GPC3: variants seen among roughly 807,000 people sequenced by gnomAD.
GPC3 encodes the protein glypican-3.
A neutral mutation model predicts 34.4 loss-of-function variants in GPC3; 3 were observed. The ratio of observed to expected loss-of-function variants is 0.09; its 90% confidence interval spans 0.04 to 0.23. The LOEUF (loss-of-function observed/expected upper bound fraction) is 0.23, where lower values mean the gene tolerates loss of function less well. Among genes scored for constraint, GPC3 ranks in the 10% least tolerant of loss-of-function variants. The pLI, the probability that GPC3 is intolerant of heterozygous loss-of-function variation, is 1.00. For synonymous variants in GPC3, 177 were observed against 174.0 expected, an observed-to-expected ratio of 1.02 and a Z score of -0.13; for missense variants, 351 against 445.6, an observed-to-expected ratio of 0.79 and a Z score of 1.91.
intron 2 of GPC3, among the ~76,000 whole-genome samples, chrX:133,791,840 CCTTCCTT>C (rs869230195): frequency 2.4e-4 from 22 of 92,625 alleles, no homozygotes; most frequent in African/African-American, 9.0e-4. Flanking sequence ...TTCCTTCCTT[CCTTCCTT>C]CCTCCCTCCC....
In GPC3 at chrX:133,916,027, C is replaced by A. The variant is rs765642452; in HGVS notation, c.337+37023G>T. 3.7e-5 allele frequency among the ~76,000 whole-genome samples: 4 copies of A among 109,567 alleles called. No individual in the cohort carries two copies. In the South Asian group the frequency reaches 1.2e-3, roughly 33 times the overall value. ...CAGCGTGGTAGCACACACCTGTAATCCCAGCTACTTGGGAGGCTGAGGCAG... is the reference window on the plus strand; with the variant it reads ...CAGCGTGGTAGCACACACCTGTAATACCAGCTACTTGGGAGGCTGAGGCAG... On this transcript the variant is annotated intron_variant, in intron 2 of 7. Coordinates refer to ENST00000370818, the MANE Select transcript of GPC3 (RefSeq NM_004484.4).
At chrX:133,787,191 T>C (rs994500558) in intron 2 of GPC3, among the ~76,000 whole-genome samples, 1 of 112,164 alleles carries the variant, frequency 8.9e-6, no homozygotes, top group Non-Finnish European at 1.9e-5. Context: ...AGAAATCATA[T>C]CCAGAAAGAG....
At chrX:133,977,929 T>A (rs1425286687) in intron 1 of GPC3, among the ~76,000 whole-genome samples, 2 of 111,713 alleles carry the variant, frequency 1.8e-5, no homozygotes, top group Non-Finnish European at 3.8e-5. Context: ...TGTCCTTTTT[T>A]AAATTTTATT....
chrX:133,668,146 G>A (rs922052167), intron 5 of GPC3, among the ~76,000 whole-genome samples: 1 of 109,834 alleles, frequency 9.1e-6, no homozygotes, highest in Non-Finnish European at 1.9e-5. Flanking sequence ...TTCATGATCC[G>A]CCCGCCCACC....
intron 2 of GPC3, among the ~76,000 whole-genome samples, chrX:133,866,802 T>C (rs569005182): frequency 3.2e-4 from 36 of 110,951 alleles, no homozygotes; most frequent in African/African-American, 1.1e-3. Context: ...AAAAAAGGCA[T>C]AGGTAAATAA....
intron 2 of GPC3, among the ~76,000 whole-genome samples, chrX:133,845,910 C>T (rs1446276763): frequency 9.0e-6 from 1 of 111,476 alleles, no homozygotes; most frequent in Non-Finnish European, 1.9e-5. Context: ...TGATAATGCT[C>T]CCAAATTCAA....
At chrX:133,848,204 A>G (rs1359427352) in intron 2 of GPC3, among the ~76,000 whole-genome samples, 1 of 112,358 alleles carries the variant, frequency 8.9e-6, no homozygotes, top group Admixed American at 9.4e-5. Flanking sequence ...TAAATCAGAG[A>G]CAAATGACAC....
At chrX:133,675,571 A>G (rs987094289) in intron 5 of GPC3, among the ~76,000 whole-genome samples, 4 of 111,525 alleles carry the variant, frequency 3.6e-5, no homozygotes, top group African/African-American at 1.3e-4. Context: ...TACTGAACTG[A>G]CCTGAGATAA....
At chrX:133,959,192 C>G (rs903124319) in intron 1 of GPC3, among the ~76,000 whole-genome samples, 1 of 111,724 alleles carries the variant, frequency 9.0e-6, no homozygotes, top group Non-Finnish European at 1.9e-5. Flanking sequence ...ATCACAGACT[C>G]TTTCCTTTGG....
intron 2 of GPC3, among the ~76,000 whole-genome samples, chrX:133,809,183 G>T (rs2075651748): frequency 8.9e-6 from 1 of 111,821 alleles, no homozygotes; most frequent in Admixed American, 9.4e-5. Context: ...ATGACTCAGG[G>T]AAAAAAATAA....
intron 3 of GPC3, among the ~76,000 whole-genome samples, chrX:133,751,774 A>G (rs2071669459): frequency 8.9e-6 from 1 of 112,589 alleles, no homozygotes; most frequent in African/African-American, 3.2e-5. Flanking sequence ...AGCTCCTCTG[A>G]CTTAACTAGC....
Position 133,969,424 on chromosome X carries a change from C to T in GPC3, c.175+15851G>A, listed in dbSNP as rs148956677. On this transcript the variant is annotated intron_variant, in intron 1 of 7. Coordinates refer to ENST00000370818, the MANE Select transcript of GPC3 (RefSeq NM_004484.4). ...CATTCTTCCCTAAGCCACAACAATG[C>T]CTGTTTATGTAAATAGGATTTTCAA... Among the ~76,000 whole-genome samples, 34 of 111,962 alleles carry T rather than the reference C, an allele frequency of 3.0e-4. No individual in the cohort carries two copies. The East Asian group carries it at 9.3e-3, about 31-fold the overall frequency.
chrX:133,777,922 T>C (rs1165861676), intron 2 of GPC3, among the ~76,000 whole-genome samples: 6 of 112,143 alleles, frequency 5.4e-5, no homozygotes, highest in African/African-American at 1.9e-4. Flanking sequence ...GCCCCGGTCT[T>C]TTGTTCTTTC....
At chrX:133,623,636 C>T (rs1279953213) in intron 6 of GPC3, among the ~76,000 whole-genome samples, 1 of 112,006 alleles carries the variant, frequency 8.9e-6, no homozygotes, top group Admixed American at 9.5e-5. Context: ...GCACTCAATA[C>T]AGGAGCACCT....
At chrX:133,791,859 C>T (rs1399455024) in intron 2 of GPC3, among the ~76,000 whole-genome samples, 7 of 97,222 alleles carry the variant, frequency 7.2e-5, no homozygotes, top group African/African-American at 2.3e-4. Flanking sequence ...CTCCCTCCCT[C>T]CCTCTCTCTC....
At chrX:133,536,538 G>A (rs2069295171) in intron 7 of GPC3, among the ~76,000 whole-genome samples, 1 of 109,863 alleles carries the variant, frequency 9.1e-6, no homozygotes, top group Non-Finnish European at 1.9e-5. Context: ...CAGCAAGCAG[G>A]AGTGGGGAGC....
intron 2 of GPC3, among the ~76,000 whole-genome samples, chrX:133,926,956 G>T (rs901915006): frequency 1.8e-5 from 2 of 110,374 alleles, no homozygotes; most frequent in African/African-American, 6.6e-5. Flanking sequence ...ACTGCTCAGG[G>T]TCACTCCTCT....
intron 5 of GPC3, among the ~76,000 whole-genome samples, chrX:133,683,391 T>C (rs748719206): frequency 1.8e-5 from 2 of 112,259 alleles, no homozygotes; most frequent in East Asian, 2.8e-4. Context: ...GGAGCAGTGA[T>C]AGTAAAAGGA....
intron 1 of GPC3, among the ~76,000 whole-genome samples, chrX:133,972,655 C>T (rs759039390): frequency 8.0e-5 from 9 of 112,279 alleles, no homozygotes; most frequent in South Asian, 3.7e-4. Flanking sequence ...AGGGCATGCA[C>T]GCCAAGGCCA....
Sources: gnomAD v4.1 joint callset for allele counts (sites outside exome capture counted in the v4.1 genomes callset) on GRCh38, gnomAD v4.1.1 for gene constraint, MANE v1.5 for transcripts, NCBI Gene and HGNC (gene_info 2026-07-23, HGNC 2026-07-21) for gene names.